Variants in RAD51C observed in about 807,000 individuals in gnomAD.
RAD51C encodes the protein RAD51 paralog C.
RAD51C carries 42 observed loss-of-function variants against 45.0 expected under a neutral mutation model. The ratio of observed to expected loss-of-function variants is 0.93; its 90% CI spans 0.73 to 1.21. The LOEUF is 1.21. RAD51C is among the 50% of genes most tolerant of loss of function. The pLI is 0.00. For synonymous variants in RAD51C, 172 were observed against 159.8 expected (o/e 1.08, Z -0.58); for missense variants, 474 against 452.2 (o/e 1.05, Z -0.44).
intron 5 of RAD51C, 141 bp downstream of exon 5, chr17:58,710,131 C>A: frequency 1.0e-6 from 1 of 999,658 alleles, no homozygotes; most frequent in Non-Finnish European, 1.5e-6. Flanking sequence ...TGGTTGGTTT[C>A]CATTAAAAAA....
Position 58,720,748 on chromosome 17 carries a change from A to C in RAD51C, c.840A>C (p.Val280=), listed in dbSNP as rs756503509. ...TTTCTTACATTTTGTTTTTGTAGGTAATTTTAACCAATCAGATGACAACAA... is the reference window on the plus strand; with the variant it reads ...TTTCTTACATTTTGTTTTTGTAGGTCATTTTAACCAATCAGATGACAACAA... The part of the protein sequence containing the change: ...ISLANNHRLA[V]ILTNQMTTKI... The change falls in exon 6 of 9, where the codon GTA becomes GTC. Residue 280 remains valine, a splice_region_variant and synonymous_variant. Transcript: ENST00000337432. 1.2e-6 allele frequency: 2 copies of C among 1,610,272 alleles called. No homozygotes were observed. The highest frequency in any genetic ancestry group is 1.7e-6 in the Non-Finnish European group (2 of 1,176,976).
In RAD51C at chr17:58,714,716, C is replaced by A. The variant is rs1389741052; in HGVS notation, c.837+4726C>A. On this transcript the variant is annotated intron_variant, in intron 5 of 8. Transcript: ENST00000337432. ...TCGTGATCCACCCGCCTCAGCCTCC[C>A]AAAGTGCTGGGATTATACGCGTGAG... Among the ~76,000 whole-genome samples the A allele has an allele frequency of 2.6e-5, 4 of 152,316 alleles. No individual in the cohort carries two copies. In the South Asian group the frequency reaches 8.3e-4, roughly 32 times the overall value.
intron 8 of RAD51C, 45 bp downstream of exon 8, chr17:58,732,589 G>A (rs781049734): frequency 1.9e-6 from 3 of 1,540,858 alleles, no homozygotes; most frequent in South Asian, 1.1e-5. Flanking sequence ...TTGATGGGCG[G>A]TAATTATCTA....
intron 5 of RAD51C, among the ~76,000 whole-genome samples, chr17:58,715,470 A>C (rs982331499): frequency 2.0e-5 from 3 of 151,746 alleles, no homozygotes; most frequent in Admixed American, 1.3e-4. Context: ...AAAAAAAAAA[A>C]AAAAACCCTT....
At chr17:58,713,885 C>T (rs2048640766) in intron 5 of RAD51C, among the ~76,000 whole-genome samples, 1 of 152,070 alleles carries the variant, frequency 6.6e-6, no homozygotes, top group African/African-American at 2.4e-5. Flanking sequence ...AACTCCTGGG[C>T]TTAAGGGATC....
Position 58,723,673 on chromosome 17 carries a change from G to A in RAD51C, c.905-367G>A, listed in dbSNP as rs535487150. 2.0e-5 allele frequency among the ~76,000 whole-genome samples: 3 copies of A among 151,416 alleles called. No homozygotes were observed. The East Asian group carries it at 5.8e-4, about 29-fold the overall frequency. ...TAGTTCATTTCGATGACATGAATAT[G>A]CCACAACTTAATTATATATTCTGTT... On this transcript the variant is annotated intron_variant, in intron 6 of 8. Coordinates refer to ENST00000337432, the MANE Select transcript of RAD51C (RefSeq NM_058216.3).
At chr17:58,725,986 A>T (rs1214711904) in intron 7 of RAD51C, among the ~76,000 whole-genome samples, 1 of 146,978 alleles carries the variant, frequency 6.8e-6, no homozygotes, top group African/African-American at 2.5e-5. Flanking sequence ...GTGAGACTCC[A>T]TCCACCCCCT....
At chr17:58,717,205 G>A (rs1175471662) in intron 5 of RAD51C, among the ~76,000 whole-genome samples, 1 of 152,038 alleles carries the variant, frequency 6.6e-6, no homozygotes, top group East Asian at 1.9e-4. Context: ...CCAGGAGTTC[G>A]AAGTTAATCT....
chr17:58,705,426 C>G (rs891105714), intron 4 of RAD51C, among the ~76,000 whole-genome samples: 2 of 151,846 alleles, frequency 1.3e-5, no homozygotes, highest in Non-Finnish European at 2.9e-5. Context: ...CTCCACCTCC[C>G]GGATTCAAGC....
intron 5 of RAD51C, among the ~76,000 whole-genome samples, chr17:58,712,991 T>C (rs1428536164): frequency 2.0e-5 from 3 of 152,032 alleles, no homozygotes; most frequent in Non-Finnish European, 4.4e-5. Context: ...CCAAGCATAG[T>C]GGCATGCACC....
chr17:58,728,581 A>G (rs2049267796), intron 7 of RAD51C, among the ~76,000 whole-genome samples: 1 of 151,748 alleles, frequency 6.6e-6, no homozygotes, highest in African/African-American at 2.4e-5. Context: ...TAATTTTTGT[A>G]GAGATGGGGT....
intron 3 of RAD51C, among the ~76,000 whole-genome samples, chr17:58,698,475 C>T (rs2143762481): frequency 6.6e-6 from 1 of 151,922 alleles, no homozygotes; most frequent in South Asian, 2.1e-4. Flanking sequence ...TGAGCCACCG[C>T]ACCCGGCCAC....
At chr17:58,699,164 G>T (rs1055639991) in intron 3 of RAD51C, among the ~76,000 whole-genome samples, 1 of 151,580 alleles carries the variant, frequency 6.6e-6, no homozygotes, top group Non-Finnish European at 1.5e-5. Context: ...GTGCCACAAT[G>T]CCCGGCTAAT....
chr17:58,701,101 A>G (rs765024344), intron 3 of RAD51C, among the ~76,000 whole-genome samples: 2 of 151,930 alleles, frequency 1.3e-5, no homozygotes, highest in Non-Finnish European at 2.9e-5. Flanking sequence ...GAGTTTCACC[A>G]TGTTGCCCAG....
At chr17:58,695,464 AGACTATATTT>A in intron 2 of RAD51C, 2 of 802,882 alleles carry the variant, frequency 2.5e-6, no homozygotes. Flanking sequence ...TTCATTCCTG[AGACTATATTT>A]GAAAGTCAGA....
intron 5 of RAD51C, among the ~76,000 whole-genome samples, chr17:58,716,628 A>AT (rs1032268392): frequency 2.5e-4 from 37 of 149,138 alleles, no homozygotes; most frequent in Admixed American, 1.9e-3. Flanking sequence ...ATGCCCAGCT[A>AT]TTTTTTTGTA....
At chr17:58,720,867 T>C in intron 6 of RAD51C, 55 bp downstream of exon 6, 1 of 1,412,348 alleles carries the variant, frequency 7.1e-7, no homozygotes, top group South Asian at 1.2e-5. Context: ...CTTATCTCTT[T>C]CATTTGATTC....
At chr17:58,733,624 G>A (rs530509187) in intron 8 of RAD51C, among the ~76,000 whole-genome samples, 1 of 152,268 alleles carries the variant, frequency 6.6e-6, no homozygotes, top group African/African-American at 2.4e-5. Context: ...GTATAAATAA[G>A]TATATATAAA....
chr17:58,692,798 C>G lies in RAD51C; in HGVS notation c.145+10C>G, dbSNP rs746120658. Reference sequence around the variant, plus strand: ...TCCGAGCTTAGCAAAGGTAACGACTCCTGATGGCAAGCTGAGGCACACCGG... The same window carrying G: ...TCCGAGCTTAGCAAAGGTAACGACTGCTGATGGCAAGCTGAGGCACACCGG... On this transcript the variant is annotated intron_variant, in intron 1 of 8. Transcript: ENST00000337432. The G allele has an allele frequency of 5.0e-6, 8 of 1,614,178 alleles. No individual in the cohort carries two copies. The South Asian group carries it at 8.8e-5, about 18-fold the overall frequency.
Sources: allele counts gnomAD v4.1 joint callset (sites outside exome capture counted in the v4.1 genomes callset), GRCh38; gene constraint gnomAD v4.1.1; transcripts MANE v1.5; gene names NCBI Gene and HGNC (gene_info 2026-07-23, HGNC 2026-07-21).